Variants in NXPE4 observed in about 807,000 individuals in gnomAD.
The protein encoded by NXPE4 is NXPE family member 4.
NXPE4 carries 42 observed loss-of-function variants against 33.3 expected under a neutral mutation model. The observed-to-expected ratio is 1.26, with a 90% confidence interval of 0.98 to 1.63. The LOEUF (loss-of-function observed/expected upper bound fraction) is 1.63. Ranked by LOEUF, NXPE4 falls within the 40% of genes most tolerant of loss-of-function variation. NXPE4 has a pLI of 0.00. For synonymous variants in NXPE4, 253 were observed against 234.9 expected, an observed-to-expected ratio of 1.08 and a Z score of -0.71; for missense variants, 709 against 647.6, an observed-to-expected ratio of 1.09 and a Z score of -1.03.
the NXPE4 span, among the ~76,000 whole-genome samples, chr11:114,673,571 G>T: frequency 6.6e-6 from 1 of 151,528 alleles, no homozygotes; most frequent in African/African-American, 2.4e-5. Context: ...TGACAAACCT[G>T]TAGCTAGAAT....
chr11:114,654,205 T>G, the NXPE4 span, among the ~76,000 whole-genome samples: 16 of 152,206 alleles, frequency 1.1e-4, no homozygotes, highest in African/African-American at 3.9e-4. Flanking sequence ...GTGAGATGCC[T>G]GCCTTCCACC....
chr11:114,657,750 A>G, the NXPE4 span, among the ~76,000 whole-genome samples: 1 of 152,146 alleles, frequency 6.6e-6, no homozygotes, highest in Non-Finnish European at 1.5e-5. Flanking sequence ...AGAAAAAAAG[A>G]TATAAGAACC....
chr11:114,577,865 G>T (rs1409495135), intron 5 of NXPE4, among the ~76,000 whole-genome samples: 1 of 152,052 alleles, frequency 6.6e-6, no homozygotes, highest in Non-Finnish European at 1.5e-5. Flanking sequence ...CTTCACATAT[G>T]CTTGGGATAA....
the NXPE4 span, among the ~76,000 whole-genome samples, chr11:114,669,259 G>T: frequency 6.6e-6 from 1 of 152,066 alleles, no homozygotes; most frequent in South Asian, 2.1e-4. Context: ...AACATTTTTT[G>T]AAGAAAATCT....
chr11:114,602,448 A>G, the NXPE4 span, among the ~76,000 whole-genome samples: 5 of 134,258 alleles, frequency 3.7e-5, no homozygotes, highest in African/African-American at 8.0e-5. Context: ...TATATAATAT[A>G]TATTATAAAT....
chr11:114,611,299 A>G, the NXPE4 span, among the ~76,000 whole-genome samples: 35 of 148,420 alleles, frequency 2.4e-4, no homozygotes, highest in African/African-American at 8.2e-4. Context: ...GTGTTGCCTC[A>G]TGGGTAATCA....
the NXPE4 span, among the ~76,000 whole-genome samples, chr11:114,631,059 C>G: frequency 6.6e-6 from 1 of 151,770 alleles, no homozygotes; most frequent in Admixed American, 6.6e-5. Context: ...AATAGGAACA[C>G]TTTTACACTG....
the NXPE4 span, among the ~76,000 whole-genome samples, chr11:114,653,472 G>C: frequency 1.3e-5 from 2 of 151,194 alleles, no homozygotes; most frequent in Non-Finnish European, 2.9e-5. Context: ...TTAACCCTTG[G>C]GTGCTTGTAC....
At chr11:114,637,744 A>T in the NXPE4 span, among the ~76,000 whole-genome samples, 2 of 151,550 alleles carry the variant, frequency 1.3e-5, no homozygotes, top group Non-Finnish European at 2.9e-5. Context: ...GCTGGATATG[A>T]AATTCTGGGT....
intron 2 of NXPE4, among the ~76,000 whole-genome samples, chr11:114,591,517 G>A (rs2135283667): frequency 1.3e-5 from 2 of 152,200 alleles, no homozygotes; most frequent in Middle Eastern, 6.8e-3. Context: ...AAAGCCTCAT[G>A]ACATCAACTT....
the NXPE4 span, among the ~76,000 whole-genome samples, chr11:114,671,829 C>T: frequency 2.0e-5 from 3 of 151,958 alleles, no homozygotes; most frequent in South Asian, 6.2e-4. Context: ...TGACCACGGA[C>T]AGTAATTTGA....
At chr11:114,602,303 C>T in the NXPE4 span, among the ~76,000 whole-genome samples, 2 of 114,392 alleles carry the variant, frequency 1.7e-5, no homozygotes, top group African/African-American at 6.7e-5. Flanking sequence ...ATAACATATA[C>T]TATATATAAT....
intron 2 of NXPE4, among the ~76,000 whole-genome samples, chr11:114,586,611 A>G (rs1376935881): frequency 6.6e-6 from 1 of 152,106 alleles, no homozygotes; most frequent in Non-Finnish European, 1.5e-5. Flanking sequence ...CCTTTTACAG[A>G]GAGCCTTGCT....
At chr11:114,658,543 C>T in the NXPE4 span, among the ~76,000 whole-genome samples, 1 of 152,116 alleles carries the variant, frequency 6.6e-6, no homozygotes, top group East Asian at 1.9e-4. Context: ...CATAAAGCTC[C>T]CTCATGCCCT....
chr11:114,577,052 TATATAC>T (rs1438019879), intron 5 of NXPE4, among the ~76,000 whole-genome samples: 2 of 38,630 alleles, frequency 5.2e-5, no homozygotes, highest in Non-Finnish European at 9.3e-5. Flanking sequence ...AAGTTATATA[TATATAC>T]ATATATATAT....
intron 5 of NXPE4, among the ~76,000 whole-genome samples, chr11:114,573,046 G>C (rs1948924935): frequency 1.3e-5 from 2 of 152,120 alleles, no homozygotes; most frequent in Admixed American, 6.5e-5. Flanking sequence ...AGAAGGGATT[G>C]GGGTTCTATT....
At chr11:114,625,413 G>A in the NXPE4 span, among the ~76,000 whole-genome samples, 4 of 152,194 alleles carry the variant, frequency 2.6e-5, no homozygotes, top group African/African-American at 9.6e-5. Context: ...TGCCTCATGG[G>A]CAACCACTTC....
chr11:114,661,831 G>A, the NXPE4 span, among the ~76,000 whole-genome samples: 1 of 152,148 alleles, frequency 6.6e-6, no homozygotes, highest in African/African-American at 2.4e-5. Context: ...AGACACAGAG[G>A]TTGACAGAAA....
At chr11:114,635,506 A>T in the NXPE4 span, among the ~76,000 whole-genome samples, 50 of 151,954 alleles carry the variant, frequency 3.3e-4, no homozygotes, top group Middle Eastern at 3.2e-3. Context: ...ACTCTGATGA[A>T]TAGGAGTGGT....
Sources: allele counts gnomAD v4.1 joint callset (sites outside exome capture counted in the v4.1 genomes callset), GRCh38; gene constraint gnomAD v4.1.1; transcripts MANE v1.5; gene names NCBI Gene and HGNC (gene_info 2026-07-23, HGNC 2026-07-21).